The following PRKN variants were observed in gnomAD, a reference collection of about 807,000 sequenced individuals.
PRKN encodes E3 ubiquitin-protein ligase parkin.
A neutral mutation model predicts 59.5 loss-of-function variants in PRKN; 56 were observed. The observed-to-expected ratio is 0.94, with a 90% confidence interval of 0.76 to 1.18. The LOEUF (loss-of-function observed/expected upper bound fraction) is 1.18, where lower values mean the gene tolerates loss of function less well. Among genes scored for constraint, PRKN ranks in the 50% most tolerant of loss-of-function variants. The pLI is 0.00. For missense variants in PRKN, 657 were observed against 596.4 expected, an observed-to-expected ratio of 1.10 and a Z score of -1.06; for synonymous variants, 250 against 222.1, an observed-to-expected ratio of 1.13 and a Z score of -1.12.
intron 5 of PRKN, among the ~76,000 whole-genome samples, chr6:162,009,381 C>G (rs1782391350): frequency 2.4e-5 from 1 of 42,272 alleles, no homozygotes; most frequent in African/African-American, 8.3e-5. Flanking sequence ...GAACACTGTA[C>G]AGAAATTATC....
In PRKN at chr6:161,892,470, C is replaced by T. The variant is rs192873020; in HGVS notation, c.734+80832G>A. ...TTTACTTCCTCCAATTCCTTTTGTT[C>T]GGTGTATGACTGAAAATTGGGTATC... On this transcript the variant is annotated intron_variant, in intron 6 of 11. Coordinates refer to ENST00000366898, the MANE Select transcript of PRKN (RefSeq NM_004562.3). Among the ~76,000 whole-genome samples the T allele has an allele frequency of 1.4e-4, 21 of 151,554 alleles. No homozygotes were observed. In the East Asian group the frequency reaches 3.5e-3, roughly 25 times the overall value.
At position 161,456,428 on chromosome 6, in the gene PRKN, T is replaced by C. The variant is rs140982754; in HGVS notation, c.1084-69551A>G. Among the ~76,000 whole-genome samples, 546 of 152,338 alleles carry C rather than the reference T, an allele frequency of 3.6e-3. 9 individuals carry two copies. In the East Asian group the frequency reaches 0.044, roughly 12 times the overall value. ...GGCTCTCAGGCCTTTGGCCACAGACTGAAGGCTGCACTGTCGGCTTCCCTA... is the reference window on the plus strand; with the variant it reads ...GGCTCTCAGGCCTTTGGCCACAGACCGAAGGCTGCACTGTCGGCTTCCCTA... On this transcript the variant is annotated intron_variant, in intron 9 of 11. Coordinates refer to ENST00000366898, the MANE Select transcript of PRKN (RefSeq NM_004562.3). This position sits in a 1 kb window ranked among gnomAD's most constrained non-coding sequence, Gnocchi z 4.8.
At chr6:161,873,770 G>T (rs1464353644) in intron 6 of PRKN, among the ~76,000 whole-genome samples, 2 of 150,208 alleles carry the variant, frequency 1.3e-5, no homozygotes, top group Non-Finnish European at 3.0e-5. Context: ...TATTAACTTG[G>T]CCATAGTCAC....
rs1412248953 is a variant in PRKN at position 162,339,094 on chromosome 6, G to A, written c.172-76329C>T. Among the ~76,000 whole-genome samples the A allele has an allele frequency of 2.2e-3, 316 of 144,966 alleles. 2 individuals carry two copies. The highest frequency in any genetic ancestry group is 6.6e-3 in the African/African-American group (256 of 38,904). On this transcript the variant is annotated intron_variant, in intron 2 of 11. Transcript: ENST00000366898. ...TGAGAAGTGAGGAGCCCCTCCGACC[G>A]GCAGCCGCCCCGTCTGAGAAGTGAG...
intron 6 of PRKN, among the ~76,000 whole-genome samples, chr6:161,808,646 C>T (rs1376223705): frequency 1.3e-5 from 2 of 151,446 alleles, no homozygotes; most frequent in African/African-American, 2.4e-5. Flanking sequence ...GATTAAACTG[C>T]ATTTTTAATT....
chr6:162,510,557 CT>C (rs1777558980), intron 1 of PRKN, among the ~76,000 whole-genome samples: 1 of 152,118 alleles, frequency 6.6e-6, no homozygotes, highest in Non-Finnish European at 1.5e-5. Context: ...CCTCCAGGGC[CT>C]ATTTATAATA....
chr6:161,546,162 T>C lies in PRKN; in HGVS notation c.1083+2692A>G, dbSNP rs1583212927. ...AATATTCATTAAGCTTTTGATTAAA[T>C]ATTAAATAAATCTGCACTTAACTCT... On this transcript the variant is annotated intron_variant, in intron 9 of 11. Coordinates refer to ENST00000366898, the MANE Select transcript of PRKN (RefSeq NM_004562.3). The surrounding 1 kb of genome is among the most constrained non-coding windows in gnomAD (Gnocchi z 4.4). Among the ~76,000 whole-genome samples the C allele has an allele frequency of 6.6e-6, 1 of 152,344 alleles. No homozygotes were observed. Among genetic ancestry groups the C allele is most frequent in the South Asian group, 2.1e-4 (1 of 4,828 alleles).
intron 3 of PRKN, among the ~76,000 whole-genome samples, chr6:162,234,285 G>A (rs1471970445): frequency 6.6e-6 from 1 of 152,176 alleles, no homozygotes; most frequent in Admixed American, 6.5e-5. Flanking sequence ...ACAGAACTGA[G>A]GAAAAGTGGA....
intron 10 of PRKN, among the ~76,000 whole-genome samples, chr6:161,381,222 C>T (rs1159042453): frequency 6.6e-6 from 1 of 152,194 alleles, no homozygotes; most frequent in Non-Finnish European, 1.5e-5. Context: ...ACAGCCCACT[C>T]ATCCCCCTCT....
rs1786188613 is a variant in PRKN at position 161,385,256 on chromosome 6, TAG to T, written c.1167+1536_1167+1537del. 6.6e-6 allele frequency among the ~76,000 whole-genome samples: 1 copy of T among 152,192 alleles called. No individual in the cohort carries two copies. The highest frequency in any genetic ancestry group is 1.5e-5 in the Non-Finnish European group (1 of 68,024). The stretch of plus-strand genomic sequence containing the variant: ...AAATATACTTTTCAATGCATTTTTC[TAG>T]AGAGTCTAGCAGCTGCTTGACCCAC... On this transcript the variant is annotated intron_variant, in intron 10 of 11. Transcript: ENST00000366898. This position sits in a 1 kb window ranked among gnomAD's most constrained non-coding sequence, Gnocchi z 4.9.
chr6:162,081,419 T>G (rs1357467976), intron 4 of PRKN, among the ~76,000 whole-genome samples: 1 of 152,154 alleles, frequency 6.6e-6, no homozygotes, highest in Non-Finnish European at 1.5e-5. Context: ...TTAGCAGGCA[T>G]GAAGACTACA....
chr6:161,976,928 T>C (rs985416149), intron 5 of PRKN, among the ~76,000 whole-genome samples: 1 of 152,152 alleles, frequency 6.6e-6, no homozygotes, highest in Non-Finnish European at 1.5e-5. Flanking sequence ...ATAAAAGCCT[T>C]TTTATTGGGG....
chr6:161,765,612 C>T (rs538225854), intron 7 of PRKN, among the ~76,000 whole-genome samples: 1 of 151,630 alleles, frequency 6.6e-6, no homozygotes, highest in Admixed American at 6.6e-5. Flanking sequence ...AGAACAACAC[C>T]CAATTCTTGA....
intron 1 of PRKN, among the ~76,000 whole-genome samples, chr6:162,556,616 G>T (rs1893105): frequency 6.6e-6 from 1 of 151,034 alleles, no homozygotes; most frequent in Non-Finnish European, 1.5e-5. Context: ...ATGCAGTGGC[G>T]TGCACCTGTA....
At chr6:161,837,602 C>G (rs1198765678) in intron 6 of PRKN, among the ~76,000 whole-genome samples, 1 of 148,288 alleles carries the variant, frequency 6.7e-6, no homozygotes, top group Non-Finnish European at 1.5e-5. Context: ...ACCCATACAT[C>G]AAATCCAAAC....
intron 7 of PRKN, among the ~76,000 whole-genome samples, chr6:161,756,075 C>CA (rs943703325): frequency 7.9e-5 from 12 of 151,260 alleles, no homozygotes; most frequent in East Asian, 1.9e-4. Flanking sequence ...GGCAAAGCAG[C>CA]AAAAAAAAGC....
intron 6 of PRKN, among the ~76,000 whole-genome samples, chr6:161,792,086 A>C (rs1397412048): frequency 6.6e-6 from 1 of 152,194 alleles, no homozygotes; most frequent in East Asian, 1.9e-4. Context: ...GCCAGTTGGC[A>C]AGCCCTAGGA....
chr6:161,498,835 G>T lies in PRKN; in HGVS notation c.1083+50019C>A, dbSNP rs1777849458. On this transcript the variant is annotated intron_variant, in intron 9 of 11. Transcript: ENST00000366898. The surrounding 1 kb of genome is among the most constrained non-coding windows in gnomAD (Gnocchi z 4.2). ...TCCAGGATATTCTTTGGGAATTCTA[G>T]CGGCTACATTCTATTTTTCAAGTGA... Among the ~76,000 whole-genome samples the T allele has an allele frequency of 6.6e-6, 1 of 152,170 alleles. No homozygotes were observed. Among genetic ancestry groups the T allele is most frequent in the Non-Finnish European group, 1.5e-5 (1 of 68,038 alleles).
At chr6:162,086,437 T>C (rs191077212) in intron 4 of PRKN, among the ~76,000 whole-genome samples, 25 of 152,094 alleles carry the variant, frequency 1.6e-4, no homozygotes, top group African/African-American at 5.3e-4. Flanking sequence ...TTTTCACCAA[T>C]GGAGAGAAAA....
Sources: allele counts gnomAD v4.1 joint callset (sites outside exome capture counted in the v4.1 genomes callset), GRCh38; gene constraint gnomAD v4.1.1; non-coding constraint Gnocchi (gnomAD v3.1); transcripts MANE v1.5; gene names NCBI Gene and HGNC (gene_info 2026-07-23, HGNC 2026-07-21).